The following FRMD3 variants were observed in gnomAD, a reference collection of about 807,000 sequenced individuals.
FRMD3 encodes the protein FERM domain-containing protein 3.
Under a neutral mutation model 70.2 loss-of-function variants are expected in FRMD3, and 33 were observed. That is an observed-to-expected ratio of 0.47 (90% CI 0.36 to 0.63). The LOEUF is 0.63. FRMD3 is among the 20% of genes least tolerant of loss of function. The probability of loss-of-function intolerance (pLI) is 0.00; values close to 1 mark genes in which losing one functional copy is unlikely to be tolerated. For synonymous variants in FRMD3, 279 were observed against 255.9 expected (o/e 1.09, Z -0.86); for missense variants, 632 against 711.4 (o/e 0.89, Z 1.27).
At chr9:83,266,992 G>A in intron 13 of FRMD3, 1 of 1,549,238 alleles carries the variant, frequency 6.5e-7, no homozygotes, top group African/African-American at 1.4e-5. Flanking sequence ...CAGGATGACA[G>A]CCCAGGGCAC....
chr9:83,376,075 G>A (rs887421553), intron 2 of FRMD3, among the ~76,000 whole-genome samples: 5 of 151,128 alleles, frequency 3.3e-5, no homozygotes, highest in African/African-American at 9.7e-5. Flanking sequence ...CAGGAGAATC[G>A]CTTGAACCCA....
chr9:83,286,950 G>C (rs1007472903), intron 13 of FRMD3, among the ~76,000 whole-genome samples: 4 of 152,134 alleles, frequency 2.6e-5, no homozygotes, highest in Admixed American at 2.0e-4. Flanking sequence ...TTAACATAAA[G>C]AGGTTGAAGT....
At chr9:83,334,330 A>C (rs1018587840) in intron 6 of FRMD3, among the ~76,000 whole-genome samples, 3 of 152,186 alleles carry the variant, frequency 2.0e-5, no homozygotes, top group Admixed American at 1.3e-4. Flanking sequence ...TTGATGTCTA[A>C]TCATCTTTAT....
chr9:83,254,032 A>G (rs7024105), intron 13 of FRMD3, among the ~76,000 whole-genome samples: 120,739 of 149,872 alleles, frequency 0.81, 48,732 homozygotes, highest in East Asian at 0.96. Context: ...ACCAAACACC[A>G]CATGTTCTCA....
At chr9:83,405,332 TAGCAG>T (rs1424147279) in intron 1 of FRMD3, among the ~76,000 whole-genome samples, 1 of 152,182 alleles carries the variant, frequency 6.6e-6, no homozygotes, top group African/African-American at 2.4e-5. Context: ...AATGCCATGT[TAGCAG>T]AGCGCCACCC....
At chr9:83,337,986 G>A (rs1823633754) in intron 5 of FRMD3, among the ~76,000 whole-genome samples, 1 of 152,186 alleles carries the variant, frequency 6.6e-6, no homozygotes. Context: ...ATGACAACTT[G>A]AAAGAACATA....
At chr9:83,389,911 C>A (rs1310325782) in intron 1 of FRMD3, among the ~76,000 whole-genome samples, 2 of 152,074 alleles carry the variant, frequency 1.3e-5, no homozygotes, top group Non-Finnish European at 2.9e-5. Flanking sequence ...TACACACACA[C>A]AAACACACAC....
chr9:83,267,570 T>C (rs952822195), intron 13 of FRMD3, among the ~76,000 whole-genome samples: 1 of 152,156 alleles, frequency 6.6e-6, no homozygotes, highest in Non-Finnish European at 1.5e-5. Flanking sequence ...ACAGCAGTAC[T>C]GTCCAGTAAG....
Position 83,247,385 on chromosome 9 carries a change from T to TTC in FRMD3, c.*532_*533insGA. ...CATGTAAATAACTCCAGGAGGCTTC[T>TTC]TTTTTTTTTTTGCTAAAAATTTACC... On this transcript the variant is annotated 3_prime_UTR_variant, in exon 14 of 14. Transcript: ENST00000304195. 1.8e-6 allele frequency: 1 copy of TTC among 558,438 alleles called. No individual in the cohort carries two copies. 34.6% of individuals were successfully genotyped at this position (558,438 alleles called of 1,614,324 possible).
chr9:83,528,560 C>T (rs1176700417), intron 1 of FRMD3, among the ~76,000 whole-genome samples: 1 of 151,880 alleles, frequency 6.6e-6, no homozygotes, highest in African/African-American at 2.4e-5. Flanking sequence ...GAGACAGGGC[C>T]TCACTGTCAC....
At chr9:83,367,873 C>T (rs949702080) in intron 3 of FRMD3, among the ~76,000 whole-genome samples, 1 of 152,038 alleles carries the variant, frequency 6.6e-6, no homozygotes, top group Non-Finnish European at 1.5e-5. Flanking sequence ...TAGTAATGTC[C>T]CTTCATTTGC....
In FRMD3 at chr9:83,401,664, G is replaced by A. The variant is rs1825953694; in HGVS notation, c.148-11956C>T. ...CTCTTTGAGATGTGAAGGGATTAAGGATTCCTCTTAACAGCTGTTTCAACA... is the reference window on the plus strand; with the variant it reads ...CTCTTTGAGATGTGAAGGGATTAAGAATTCCTCTTAACAGCTGTTTCAACA... On this transcript the variant is annotated intron_variant, in intron 1 of 13. Coordinates refer to ENST00000304195, the MANE Select transcript of FRMD3 (RefSeq NM_174938.6). Among the ~76,000 whole-genome samples, 3 of 152,202 alleles carry A rather than the reference G, an allele frequency of 2.0e-5. No individual in the cohort carries two copies. The South Asian group carries it at 6.2e-4, about 31-fold the overall frequency.
chr9:83,276,722 A>G (rs186634909), intron 13 of FRMD3, among the ~76,000 whole-genome samples: 2 of 152,352 alleles, frequency 1.3e-5, no homozygotes, highest in East Asian at 3.9e-4. Flanking sequence ...ATATGTATAC[A>G]TACTGAGACA....
At chr9:83,534,238 C>T (rs185124293) in intron 1 of FRMD3, among the ~76,000 whole-genome samples, 1 of 152,264 alleles carries the variant, frequency 6.6e-6, no homozygotes, top group East Asian at 1.9e-4. Flanking sequence ...CCTACCTGAA[C>T]ATTCACAAGC....
At chr9:83,365,841 C>T (rs1046374234) in intron 3 of FRMD3, among the ~76,000 whole-genome samples, 5 of 152,184 alleles carry the variant, frequency 3.3e-5, no homozygotes, top group Admixed American at 6.5e-5. Context: ...CAGTTCCTGC[C>T]TGTCCCAGAG....
chr9:83,515,993 C>T (rs928152868), intron 1 of FRMD3, among the ~76,000 whole-genome samples: 7 of 152,028 alleles, frequency 4.6e-5, no homozygotes, highest in South Asian at 2.1e-4. Context: ...AAGGAAAAAC[C>T]GATACCAGCC....
At chr9:83,370,932 T>C (rs994147621) in intron 3 of FRMD3, among the ~76,000 whole-genome samples, 2 of 131,486 alleles carry the variant, frequency 1.5e-5, no homozygotes, top group Admixed American at 1.6e-4. Context: ...TGCATTTTAG[T>C]TGGTTGTTCA....
At chr9:83,514,097 G>A (rs941776174) in intron 1 of FRMD3, among the ~76,000 whole-genome samples, 1 of 152,154 alleles carries the variant, frequency 6.6e-6, no homozygotes, top group African/African-American at 2.4e-5. Flanking sequence ...GGCACCTGGA[G>A]CACCAACAAG....
intron 3 of FRMD3, among the ~76,000 whole-genome samples, chr9:83,363,386 A>G (rs138329426): frequency 2.0e-5 from 3 of 152,328 alleles, no homozygotes; most frequent in Non-Finnish European, 1.5e-5. Flanking sequence ...ATGACTATGT[A>G]TACACACATA....
Sources: gnomAD v4.1 joint callset for allele counts (sites outside exome capture counted in the v4.1 genomes callset) on GRCh38, gnomAD v4.1.1 for gene constraint, MANE v1.5 for transcripts, NCBI Gene and HGNC (gene_info 2026-07-23, HGNC 2026-07-21) for gene names.